MYO18B: variants seen among roughly 807,000 people sequenced by gnomAD.
MYO18B encodes myosin XVIIIB, also known as unconventional myosin-XVIIIb.
MYO18B carries 204 observed loss-of-function variants against 273.0 expected under a neutral mutation model. That is an observed-to-expected ratio of 0.75 (90% CI 0.67 to 0.84). The LOEUF is 0.84. Among genes scored for constraint, MYO18B ranks in the 40% least tolerant of loss-of-function variants. The probability of loss-of-function intolerance (pLI) is 0.00; values close to 1 mark genes in which losing one functional copy is unlikely to be tolerated. For missense variants in MYO18B, 3,212 were observed against 3,287.6 expected, an observed-to-expected ratio of 0.98 and a Z score of 0.56; for synonymous variants, 1,330 against 1,305.7, an observed-to-expected ratio of 1.02 and a Z score of -0.40.
chr22:25,844,522 T>C (rs1306767967), intron 18 of MYO18B, among the ~76,000 whole-genome samples: 1 of 152,246 alleles, frequency 6.6e-6, no homozygotes, highest in Admixed American at 6.5e-5. Flanking sequence ...CTACTCCCTA[T>C]GTGCCTTGGA....
chr22:25,787,496 C>T (rs183096749), intron 11 of MYO18B, among the ~76,000 whole-genome samples: 6 of 152,192 alleles, frequency 3.9e-5, no homozygotes, highest in East Asian at 1.9e-4. Flanking sequence ...GTGTCTGCCC[C>T]GTCTTTGAAC....
At chr22:26,016,032 T>C (rs909079483) in intron 42 of MYO18B, among the ~76,000 whole-genome samples, 1 of 152,238 alleles carries the variant, frequency 6.6e-6, no homozygotes, top group Non-Finnish European at 1.5e-5. Flanking sequence ...TAAAGCTGCA[T>C]CTTCATGGGG....
At chr22:25,924,281 G>A (rs1362595064) in intron 34 of MYO18B, among the ~76,000 whole-genome samples, 1 of 152,178 alleles carries the variant, frequency 6.6e-6, no homozygotes, top group Non-Finnish European at 1.5e-5. Flanking sequence ...CAGACAGGAG[G>A]ATGAAGGAAG....
chr22:25,927,426 T>A (rs1234721725), intron 34 of MYO18B, among the ~76,000 whole-genome samples: 3 of 151,926 alleles, frequency 2.0e-5, no homozygotes, highest in East Asian at 3.9e-4. Flanking sequence ...CTCCCATAGC[T>A]CTCCCAGGCT....
At chr22:25,898,037 T>G (rs2091849278) in intron 28 of MYO18B, 1 of 379,390 alleles carries the variant, frequency 2.6e-6, no homozygotes, top group Non-Finnish European at 4.7e-6. Flanking sequence ...AGTCTGTGGG[T>G]GCATTGGCTG....
rs1242765899 is a variant in MYO18B at position 25,768,287 on chromosome 22, A to G, written c.371A>G (p.Asn124Ser). The G allele has an allele frequency of 1.9e-6, 3 of 1,613,850 alleles. No homozygotes were observed. Among genetic ancestry groups the G allele is most frequent in the African/African-American group, 2.7e-5 (2 of 74,930 alleles). Residue 124 changes from asparagine (N) to serine (S), a missense_variant, in exon 4 of 44, where the codon AAT (asparagine) becomes AGT (serine). Asn to Ser is a conservative substitution (Grantham distance 46). Transcript: ENST00000335473. ...GACCCTGAGCAGATGACAAGCATCA[A>G]TGGTGAGAAGGCCCAGGAGCTGGGC... ...SPDPEQMTSI[N>S]GEKAQELGSS... is the part of the protein sequence containing the mutation.
intron 25 of MYO18B, among the ~76,000 whole-genome samples, chr22:25,880,827 C>G (rs532174472): frequency 1.3e-5 from 2 of 152,250 alleles, no homozygotes; most frequent in South Asian, 4.1e-4. Context: ...CCTAAGTGGT[C>G]AAGGAAGAAT....
intron 2 of MYO18B, among the ~76,000 whole-genome samples, chr22:25,761,395 G>GGTT (rs1568977863): frequency 6.6e-6 from 1 of 152,088 alleles, no homozygotes; most frequent in Non-Finnish European, 1.5e-5. Context: ...TGGTGGTGGT[G>GGTT]GTGGGGGGTG....
intron 3 of MYO18B, among the ~76,000 whole-genome samples, chr22:25,766,223 T>G (rs931496841): frequency 1.3e-5 from 2 of 152,052 alleles, no homozygotes; most frequent in Non-Finnish European, 2.9e-5. Flanking sequence ...CTGGGTCACC[T>G]TACATCTTTA....
At chr22:25,789,327 TA>T (rs34023304) in intron 11 of MYO18B, among the ~76,000 whole-genome samples, 142,967 of 151,162 alleles carry the variant, frequency 0.95, 67,913 homozygotes, top group Non-Finnish European at 0.99. Flanking sequence ...AGCATCTGTT[TA>T]AAAAAAAAAC....
Position 25,785,611 on chromosome 22 carries a change from G to A in MYO18B, c.2376+120G>A, listed in dbSNP as rs935828748. 10 of 1,073,784 alleles carry A rather than the reference G, an allele frequency of 9.3e-6. No individual in the cohort carries two copies. In the Admixed American group the frequency reaches 1.0e-4, roughly 11 times the overall value. The allele number at this position is 1,073,784 out of a possible 1,614,324, so 66.5% of individuals were successfully genotyped here. A position where few individuals can be genotyped will look rare whatever the true frequency, so the allele number is the denominator to read the frequency against. On this transcript the variant is annotated intron_variant, in intron 11 of 43. Transcript: ENST00000335473. ...CTGGGGTTCATAGTTGGCAAGGGTT[G>A]GTCATGTGGAAGAGTTGGCACTGCC...
intron 3 of MYO18B, among the ~76,000 whole-genome samples, chr22:25,764,995 C>A (rs2086454957): frequency 6.6e-6 from 1 of 152,146 alleles, no homozygotes; most frequent in Non-Finnish European, 1.5e-5. Context: ...AAGGACCAGT[C>A]TGGTGAGTGA....
intron 39 of MYO18B, among the ~76,000 whole-genome samples, chr22:25,988,765 G>A (rs959620403): frequency 6.6e-6 from 1 of 152,114 alleles, no homozygotes; most frequent in African/African-American, 2.4e-5. Context: ...TTTCCACTCT[G>A]CCAAGCTCAT....
At chr22:26,053,937 A>G in the MYO18B span, among the ~76,000 whole-genome samples, 3 of 152,214 alleles carry the variant, frequency 2.0e-5, no homozygotes, top group African/African-American at 4.8e-5. Flanking sequence ...AAAAGAGATG[A>G]TGCAACAGAA....
chr22:25,981,698 T>C (rs2093150453), intron 39 of MYO18B, among the ~76,000 whole-genome samples: 1 of 152,212 alleles, frequency 6.6e-6, no homozygotes, highest in African/African-American at 2.4e-5. Flanking sequence ...TGAGCCATCA[T>C]GGTGCCACAG....
chr22:25,796,798 C>A (rs79080767), intron 11 of MYO18B, among the ~76,000 whole-genome samples: 3,639 of 152,208 alleles, frequency 0.024, 65 homozygotes, highest in Non-Finnish European at 0.034. Flanking sequence ...CGTGGGGGCA[C>A]GTATCAGTAT....
intron 12 of MYO18B, among the ~76,000 whole-genome samples, chr22:25,820,760 T>C (rs1053280982): frequency 1.3e-5 from 2 of 152,182 alleles, no homozygotes; most frequent in Non-Finnish European, 2.9e-5. Context: ...TATAGAACAC[T>C]AGAACGTATT....
chr22:25,908,349 G>C lies in MYO18B; in HGVS notation c.5176G>C (p.Glu1726Gln). The part of the protein sequence containing the change: ...QLRQRFELEI[E>Q]RMKQMHQKDR... ...CCGCCAGCGGTTTGAGCTGGAGATC[G>C]AGCGGATGAAGCAGATGCACCAGAA... Residue 1726 changes from glutamate (E) to glutamine (Q), a missense_variant, in exon 32 of 44, where the codon GAG (glutamate) becomes CAG (glutamine). Transcript: ENST00000335473. 1 of 1,596,638 alleles carries C rather than the reference G, an allele frequency of 6.3e-7. No individual in the cohort carries two copies. The highest frequency in any genetic ancestry group is 8.5e-7 in the Non-Finnish European group (1 of 1,171,866).
intron 43 of MYO18B, among the ~76,000 whole-genome samples, 191 bp from the exon 44 acceptor site, chr22:26,030,252 C>T (rs116580424): frequency 0.064 from 9,800 of 152,242 alleles, 394 homozygotes; most frequent in Middle Eastern, 0.14. Flanking sequence ...TGACATGCAC[C>T]TGTAATCCTA....
Sources: gnomAD v4.1 joint callset for allele counts (sites outside exome capture counted in the v4.1 genomes callset) on GRCh38, gnomAD v4.1.1 for gene constraint, MANE v1.5 for transcripts, NCBI Gene and HGNC (gene_info 2026-07-23, HGNC 2026-07-21) for gene names.